CUX2: variants seen among roughly 807,000 people sequenced by gnomAD.
CUX2 encodes homeobox protein cut-like 2.
In CUX2, 40 loss-of-function variants were observed where a neutral mutation model predicts 144.8. The observed-to-expected ratio is 0.28, with a 90% CI of 0.21 to 0.36. CUX2 has a LOEUF of 0.36. Among genes scored for constraint, CUX2 ranks in the 10% least tolerant of loss-of-function variants. The pLI, the probability that CUX2 is intolerant of heterozygous loss-of-function variation, is 1.00. For missense variants in CUX2, 1,615 were observed against 1,994.0 expected (o/e 0.81, Z 3.62); for synonymous variants, 827 against 875.6 (o/e 0.94, Z 0.98).
intron 1 of CUX2, among the ~76,000 whole-genome samples, chr12:111,085,028 G>C (rs1287260414): frequency 6.6e-6 from 1 of 152,192 alleles, no homozygotes; most frequent in Non-Finnish European, 1.5e-5. Context: ...CACTGTGACA[G>C]AGCAGGCAAC....
At chr12:111,290,307 G>C (rs1174012743) in intron 4 of CUX2, among the ~76,000 whole-genome samples, 1 of 152,168 alleles carries the variant, frequency 6.6e-6, no homozygotes, top group Non-Finnish European at 1.5e-5. Context: ...TGTTGCTGAG[G>C]CTGGGGTACA....
intron 1 of CUX2, among the ~76,000 whole-genome samples, chr12:111,088,858 A>G (rs1264809081): frequency 1.3e-5 from 2 of 152,164 alleles, no homozygotes; most frequent in Non-Finnish European, 1.5e-5. Context: ...GCTGGGTGCC[A>G]TGGTACCCCC....
chr12:111,139,425 T>A (rs544638613), intron 1 of CUX2, among the ~76,000 whole-genome samples: 1 of 152,250 alleles, frequency 6.6e-6, no homozygotes, highest in African/African-American at 2.4e-5. Flanking sequence ...AGATGGCATT[T>A]GTGGCAAAGG....
chr12:111,046,168 C>T (rs7957288), intron 1 of CUX2, among the ~76,000 whole-genome samples: 1,544 of 152,340 alleles, frequency 0.01, 27 homozygotes, highest in African/African-American at 0.036. Flanking sequence ...CAGCCAGGTG[C>T]GCTGGCTCTT....
intron 3 of CUX2, among the ~76,000 whole-genome samples, chr12:111,226,836 A>G (rs1189139956): frequency 6.6e-6 from 1 of 152,198 alleles, no homozygotes; most frequent in Non-Finnish European, 1.5e-5. Flanking sequence ...CACATTTAAC[A>G]ACAATTAGTC....
chr12:111,246,547 T>A lies in CUX2; in HGVS notation c.223-17214T>A, dbSNP rs1883287707. Among the ~76,000 whole-genome samples the A allele has an allele frequency of 6.6e-6, 1 of 152,216 alleles. No homozygotes were observed. The highest frequency in any genetic ancestry group is 1.5e-5 in the Non-Finnish European group (1 of 68,032). On this transcript the variant is annotated intron_variant, in intron 3 of 21. Coordinates refer to ENST00000261726, the MANE Select transcript of CUX2 (RefSeq NM_015267.4). The surrounding 1 kb of genome is among the most constrained non-coding windows in gnomAD (Gnocchi z 4.0). ...CCAATTCTTCCAGAGAAGCTGGAAA[T>A]CTTGATTTTTATGCAAAAAACAAAA...
At chr12:111,113,187 G>A (rs1014988175) in intron 1 of CUX2, among the ~76,000 whole-genome samples, 2 of 152,112 alleles carry the variant, frequency 1.3e-5, no homozygotes, top group Admixed American at 6.5e-5. Context: ...CCGCTGGGGA[G>A]GAGCCTAGGA....
chr12:111,333,107 G>A (rs940416724), intron 18 of CUX2, among the ~76,000 whole-genome samples: 9 of 152,278 alleles, frequency 5.9e-5, no homozygotes, highest in East Asian at 5.8e-4. Flanking sequence ...GACTTAGGAG[G>A]CTGAGGCACA....
At chr12:111,131,463 A>T (rs755395279) in intron 1 of CUX2, among the ~76,000 whole-genome samples, 1 of 152,042 alleles carries the variant, frequency 6.6e-6, no homozygotes, top group African/African-American at 2.4e-5. Context: ...AAAACCAATC[A>T]TGCCTTCCCA....
intron 3 of CUX2, among the ~76,000 whole-genome samples, chr12:111,261,054 A>G (rs1011614781): frequency 2.6e-5 from 4 of 152,154 alleles, no homozygotes; most frequent in African/African-American, 7.2e-5. Context: ...CGGCATCCTC[A>G]TGGGCTCTGA....
intron 1 of CUX2, among the ~76,000 whole-genome samples, chr12:111,147,313 G>A (rs1000090476): frequency 1.3e-5 from 2 of 152,200 alleles, no homozygotes; most frequent in Admixed American, 6.5e-5. Context: ...GGGGAGGGGA[G>A]AGGAGGTCCT....
chr12:111,304,567 TTACCAGG>T lies in CUX2; in HGVS notation c.858+254_858+260del, dbSNP rs1435008335. Among the ~76,000 whole-genome samples, 1 of 152,192 alleles carries T rather than the reference TTACCAGG, an allele frequency of 6.6e-6. No homozygotes were observed. ...AGCCCACGTTTCCATATACCCTTTA[TTACCAGG>T]AGTTCCAGTATCTTCCTTTGGAGGC... On this transcript the variant is annotated intron_variant, in intron 10 of 21. Coordinates refer to ENST00000261726, the MANE Select transcript of CUX2 (RefSeq NM_015267.4). The surrounding 1 kb of genome is among the most constrained non-coding windows in gnomAD (Gnocchi z 4.7).
At chr12:111,196,684 G>A (rs982312518) in intron 1 of CUX2, among the ~76,000 whole-genome samples, 12 of 152,228 alleles carry the variant, frequency 7.9e-5, no homozygotes, top group South Asian at 6.2e-4. Context: ...CATCCTGTAC[G>A]GTAGCCACTA....
chr12:111,134,221 A>G (rs1875692278), intron 1 of CUX2, among the ~76,000 whole-genome samples: 1 of 152,186 alleles, frequency 6.6e-6, no homozygotes, highest in Non-Finnish European at 1.5e-5. Context: ...CAACCAGCCA[A>G]TGTCATTGTA....
At chr12:111,148,714 G>A (rs543749640) in intron 1 of CUX2, among the ~76,000 whole-genome samples, 1 of 152,196 alleles carries the variant, frequency 6.6e-6, no homozygotes, top group Non-Finnish European at 1.5e-5. Flanking sequence ...GTAGGTAAGG[G>A]GCTGGGCCCG....
Position 111,333,530 on chromosome 12 carries a change from G to T in CUX2, c.2927-911G>T, listed in dbSNP as rs946855194. On this transcript the variant is annotated intron_variant, in intron 18 of 21. Coordinates refer to ENST00000261726, the MANE Select transcript of CUX2 (RefSeq NM_015267.4). The stretch of plus-strand genomic sequence containing the variant: ...GTGTTGCCCTTTCTGAAGAGTAGAG[G>T]CTGTTATTTCCTGGACAGTCTGAGT... Among the ~76,000 whole-genome samples, 11 of 152,278 alleles carry T rather than the reference G, an allele frequency of 7.2e-5. No homozygotes were observed. In the East Asian group the frequency reaches 2.1e-3, roughly 29 times the overall value.
intron 4 of CUX2, among the ~76,000 whole-genome samples, chr12:111,288,850 C>G (rs1201190545): frequency 2.0e-5 from 3 of 152,144 alleles, no homozygotes; most frequent in Non-Finnish European, 4.4e-5. Flanking sequence ...GTAATCTCAG[C>G]TACTCAGTAG....
Position 111,333,976 on chromosome 12 carries a change from A to G in CUX2, c.2927-465A>G, listed in dbSNP as rs1223765670. Among the ~76,000 whole-genome samples the G allele has an allele frequency of 3.9e-5, 6 of 152,044 alleles. No homozygotes were observed. The East Asian group carries it at 1.2e-3, about 29-fold the overall frequency. On this transcript the variant is annotated intron_variant, in intron 18 of 21. Coordinates refer to ENST00000261726, the MANE Select transcript of CUX2 (RefSeq NM_015267.4). ...GCTGAGGCGGGTGGATCATGAGGTC[A>G]GGAGATTGAGACCATCCTGGCTAAC...
At chr12:111,054,079 A>T (rs1018513620) in intron 1 of CUX2, among the ~76,000 whole-genome samples, 3 of 152,198 alleles carry the variant, frequency 2.0e-5, no homozygotes, top group African/African-American at 7.2e-5. Context: ...GCTTGAACCC[A>T]GGAGGTGGAG....
Sources: gnomAD v4.1 joint callset for allele counts (sites outside exome capture counted in the v4.1 genomes callset) on GRCh38, gnomAD v4.1.1 for gene constraint, Gnocchi (gnomAD v3.1) non-coding constraint, MANE v1.5 for transcripts, NCBI Gene and HGNC (gene_info 2026-07-23, HGNC 2026-07-21) for gene names.